The following SLC39A7 variants were observed in gnomAD, a reference collection of about 807,000 sequenced individuals.
The protein encoded by SLC39A7 is solute carrier family 39 member 7, also known as zinc transporter SLC39A7.
Under a neutral mutation model 39.7 loss-of-function variants are expected in SLC39A7, and 25 were observed. The observed-to-expected ratio is 0.63, with a 90% confidence interval of 0.46 to 0.88. The LOEUF (loss-of-function observed/expected upper bound fraction) is 0.88, where lower values mean the gene tolerates loss of function less well. SLC39A7 is among the 40% of genes least tolerant of loss of function. The pLI, the probability that SLC39A7 is intolerant of heterozygous loss-of-function variation, is 0.00. For missense variants in SLC39A7, 501 were observed against 592.1 expected (o/e 0.85, Z 1.60); for synonymous variants, 181 against 234.1 (o/e 0.77, Z 2.07).
Position 33,202,701 on chromosome 6 carries a change from G to GT in SLC39A7, c.940+2dup. 1 of 1,589,778 alleles carries GT rather than the reference G, an allele frequency of 6.3e-7. No individual in the cohort carries two copies. The highest frequency in any genetic ancestry group is 8.5e-7 in the Non-Finnish European group (1 of 1,173,224). On this transcript the variant is annotated splice_donor_variant, in intron 5 of 6. Coordinates refer to ENST00000374677, the MANE Select transcript of SLC39A7 (RefSeq NM_006979.3). LOFTEE classifies it high-confidence loss of function. Reference sequence around the variant, plus strand: ...GCTGAAGAAGAAAAAAGAGGCTTAGGTAAGGGCCAGAGTTGGTGATAAATT... The same window carrying GT: ...GCTGAAGAAGAAAAAAGAGGCTTAGGTTAAGGGCCAGAGTTGGTGATAAATT...
rs9469380 is a variant in SLC39A7, at chr6:33,200,890, G to C, written c.-356G>C. On this transcript the variant is annotated 5_prime_UTR_variant, in exon 1 of 7. Coordinates refer to ENST00000374677, the MANE Select transcript of SLC39A7 (RefSeq NM_006979.3). The surrounding 1 kb of genome is among the most constrained non-coding windows in gnomAD (Gnocchi z 6.3). Reference sequence around the variant, plus strand: ...TCCTGTTCTCGCGGGATCTAAAGGCGGGACTGCCACGTCCAAGCAAACCGG... The same window carrying C: ...TCCTGTTCTCGCGGGATCTAAAGGCCGGACTGCCACGTCCAAGCAAACCGG... 1.6e-3 allele frequency: 2,151 copies of C among 1,370,272 alleles called. 31 individuals are homozygous for C. The African/African-American group carries it at 0.026, about 16-fold the overall frequency. 84.9% of individuals were successfully genotyped at this position (1,370,272 alleles called of 1,614,324 possible).
rs768947814 is a variant in SLC39A7, at chr6:33,201,409, A to ACCATGGCCACAGCCATGCCCATGG, written c.176_199dup (p.Ser59_His66dup). 28 of 1,613,780 alleles carry ACCATGGCCACAGCCATGCCCATGG rather than the reference A, an allele frequency of 1.7e-5. No individual in the cohort carries two copies. The highest frequency in any genetic ancestry group is 6.7e-5 in the East Asian group (3 of 44,876). On this transcript the variant is annotated inframe_insertion, in exon 1 of 7. Coordinates refer to ENST00000374677, the MANE Select transcript of SLC39A7 (RefSeq NM_006979.3). This position sits in a 1 kb window ranked among gnomAD's most constrained non-coding sequence, Gnocchi z 5.9. ...CACAGGCACTCACATGAAGATTTCC[A>ACCATGGCCACAGCCATGCCCATGG]CCATGGCCACAGCCATGCCCATGGC...
At position 33,203,798 on chromosome 6, in the gene SLC39A7, T is replaced by A. The variant is rs761933592; in HGVS notation, c.1395T>A (p.Ile465=). 1 of 1,614,132 alleles carries A rather than the reference T, an allele frequency of 6.2e-7. No individual in the cohort carries two copies. Among genetic ancestry groups the A allele is most frequent in the East Asian group, 2.2e-5 (1 of 44,882 alleles). The part of the protein sequence containing the change: ...LLGGVIMMVL[I]AHLE ...GGGGAGTTATCATGATGGTGCTGAT[T>A]GCCCACCTTGAGTGAGGGGTGGATA... The change falls in exon 7 of 7, where the codon ATT becomes ATA. Residue 465 remains isoleucine (I), a synonymous_variant. Transcript: ENST00000374677.
In SLC39A7 at chr6:33,204,378, T is replaced by C; in HGVS notation, c.*565T>C. Reference sequence around the variant, plus strand: ...TGTTTCTATTCCTTTTATATCACTGTGTTTGAATCGAGGGGGAGGGGTGGT... The same window carrying C: ...TGTTTCTATTCCTTTTATATCACTGCGTTTGAATCGAGGGGGAGGGGTGGT... On this transcript the variant is annotated 3_prime_UTR_variant, in exon 7 of 7. Coordinates refer to ENST00000374677, the MANE Select transcript of SLC39A7 (RefSeq NM_006979.3). 1.7e-6 allele frequency: 1 copy of C among 586,506 alleles called. No homozygotes were observed. The highest frequency in any genetic ancestry group is 3.0e-5 in the Admixed American group (1 of 33,404). 36.3% of individuals were successfully genotyped at this position (586,506 alleles called of 1,614,324 possible).
At position 33,201,367 on chromosome 6, in the gene SLC39A7, A is replaced by G; in HGVS notation, c.122A>G (p.Asp41Gly). 6.2e-7 allele frequency: 1 copy of G among 1,613,974 alleles called. No homozygotes were observed. Among genetic ancestry groups the G allele is most frequent in the South Asian group, 1.1e-5 (1 of 91,084 alleles). ...HDDLHDDLQE[D>G]FHGHSHRHSH... ...GACCTGCACGACGATCTGCAAGAGG[A>G]CTTCCATGGCCACAGCCACAGGCAC... The change falls in exon 1 of 7, where the codon GAC (aspartate) becomes GGC (glycine). Residue 41 changes from aspartate (D) to glycine (G), a missense_variant. Physicochemically the swap from Asp to Gly is moderately conservative, Grantham distance 94 (BLOSUM62 -1). Coordinates refer to ENST00000374677, the MANE Select transcript of SLC39A7 (RefSeq NM_006979.3). The surrounding 1 kb of genome is among the most constrained non-coding windows in gnomAD (Gnocchi z 5.9).
In SLC39A7 at chr6:33,202,926, G is replaced by T. The variant is rs748282317; in HGVS notation, c.957G>T (p.Gly319=). 6.2e-7 allele frequency: 1 copy of T among 1,610,828 alleles called. No homozygotes were observed. The highest frequency in any genetic ancestry group is 8.5e-7 in the Non-Finnish European group (1 of 1,179,388). The change falls in exon 6 of 7, where the codon GGG becomes GGT. Residue 319 remains glycine (G), a synonymous_variant. Transcript: ENST00000374677. ...CTGTACAAGACCTGCGTGTGTCGGGGTACCTGAATCTGGCTGCTGACTTGG... is the reference window on the plus strand; with the variant it reads ...CTGTACAAGACCTGCGTGTGTCGGGTTACCTGAATCTGGCTGCTGACTTGG... ...EKRGLDLRVS[G]YLNLAADLAH...
In SLC39A7 at chr6:33,201,299, G is replaced by A. The variant is rs1774524138; in HGVS notation, c.54G>A (p.Trp18Ter). 6.2e-7 allele frequency: 1 copy of A among 1,613,914 alleles called. No homozygotes were observed. Among genetic ancestry groups the A allele is most frequent in the Non-Finnish European group, 8.5e-7 (1 of 1,179,986 alleles). ...PHWVAVGLLT[W>*]ATLGLLVAGL... Reference sequence around the variant, plus strand: ...GGGTGGCCGTGGGACTGCTGACCTGGGCGACCTTGGGGCTTCTGGTGGCTG... The same window carrying A: ...GGGTGGCCGTGGGACTGCTGACCTGAGCGACCTTGGGGCTTCTGGTGGCTG... Residue 18 changes from tryptophan to a stop codon, truncating the protein, a stop_gained, in exon 1 of 7, where the codon TGG becomes TGA. Coordinates refer to ENST00000374677, the MANE Select transcript of SLC39A7 (RefSeq NM_006979.3). LOFTEE classifies it high-confidence loss of function. This position sits in a 1 kb window ranked among gnomAD's most constrained non-coding sequence, Gnocchi z 5.9.
At position 33,201,300 on chromosome 6, in the gene SLC39A7, G is replaced by A; in HGVS notation, c.55G>A (p.Ala19Thr). Reference sequence around the variant, plus strand: ...GGTGGCCGTGGGACTGCTGACCTGGGCGACCTTGGGGCTTCTGGTGGCTGG... The same window carrying A: ...GGTGGCCGTGGGACTGCTGACCTGGACGACCTTGGGGCTTCTGGTGGCTGG... ...HWVAVGLLTW[A>T]TLGLLVAGLG... The change falls in exon 1 of 7, where the codon GCG becomes ACG. Residue 19 changes from alanine to threonine, a missense_variant. Physicochemically the swap from Ala to Thr is moderately conservative, Grantham distance 58 (BLOSUM62 0). Coordinates refer to ENST00000374677, the MANE Select transcript of SLC39A7 (RefSeq NM_006979.3). The surrounding 1 kb of genome is among the most constrained non-coding windows in gnomAD (Gnocchi z 5.9). 2.5e-6 allele frequency: 4 copies of A among 1,614,082 alleles called. No individual in the cohort carries two copies. Among genetic ancestry groups the A allele is most frequent in the Non-Finnish European group, 3.4e-6 (4 of 1,180,002 alleles).
In SLC39A7 at chr6:33,204,337, A is replaced by G. The variant is rs1774843506; in HGVS notation, c.*524A>G. ...TGGGAGAGGGTTAGTTGGTATTCTC[A>G]TGGCCTGATTTTTTTTGTTTCTATT... On this transcript the variant is annotated 3_prime_UTR_variant, in exon 7 of 7. Transcript: ENST00000374677. 2 of 541,028 alleles carry G rather than the reference A, an allele frequency of 3.7e-6. No homozygotes were observed. The highest frequency in any genetic ancestry group is 2.0e-5 in the South Asian group (1 of 48,812). The allele number at this position is 541,028 out of a possible 1,614,324, so 33.5% of individuals were successfully genotyped here.
In SLC39A7 at chr6:33,203,941, T is replaced by C. The variant is rs1774818050; in HGVS notation, c.*128T>C. The C allele has an allele frequency of 1.0e-6, 1 of 957,468 alleles. No individual in the cohort carries two copies. The highest frequency in any genetic ancestry group is 2.6e-5 in the East Asian group (1 of 38,728). The allele number at this position is 957,468 out of a possible 1,614,324, so 59.3% of individuals were successfully genotyped here. A position where few individuals can be genotyped will look rare whatever the true frequency, so the allele number is the denominator to read the frequency against. On this transcript the variant is annotated 3_prime_UTR_variant, in exon 7 of 7. Transcript: ENST00000374677. The stretch of plus-strand genomic sequence containing the variant: ...AACTGTAGCCTGGGAGAATGGTTAC[T>C]TTGGCATTAGGGCCTTCAAGGGCTG...
chr6:33,203,452 C>T, intron 6 of SLC39A7, 89 bp from the exon 7 acceptor site: 4 of 1,333,512 alleles, frequency 3.0e-6, no homozygotes, highest in Non-Finnish European at 4.2e-6. Flanking sequence ...AAATCCATGT[C>T]CCCTATACCT....
intron 6 of SLC39A7, 146 bp downstream of exon 6, chr6:33,203,252 A>C (rs923128107): frequency 1.3e-6 from 1 of 792,308 alleles, no homozygotes; most frequent in Non-Finnish European, 2.0e-6. Context: ...AGTTCTGGTT[A>C]CTTTGTCCTT....
At chr6:33,202,452 A>G (rs369984021) in intron 4 of SLC39A7, 25 bp downstream of exon 4, 46 of 1,609,966 alleles carry the variant, frequency 2.9e-5, no homozygotes, top group Non-Finnish European at 3.9e-5. Flanking sequence ...AACTTTCCTG[A>G]AAGCTGACTT....
intron 6 of SLC39A7, 84 bp from the exon 7 acceptor site, chr6:33,203,457 A>G: frequency 7.1e-7 from 1 of 1,414,244 alleles, no homozygotes; most frequent in Non-Finnish European, 9.9e-7. Flanking sequence ...CATGTCCCCT[A>G]TACCTATACC....
intron 3 of SLC39A7, 65 bp from the exon 4 acceptor site, chr6:33,202,198 C>T (rs964026005): frequency 1.2e-5 from 19 of 1,585,482 alleles, no homozygotes; most frequent in African/African-American, 5.4e-5. Flanking sequence ...CCTCACCTCC[C>T]GCACTTGAGG....
chr6:33,203,178 C>T (rs1363652063), intron 6 of SLC39A7, 72 bp downstream of exon 6: 5 of 1,289,600 alleles, frequency 3.9e-6, no homozygotes, highest in Non-Finnish European at 5.4e-6. Flanking sequence ...ACCCAAACAG[C>T]CTCTTATTAG....
chr6:33,201,535 C>G lies in SLC39A7; in HGVS notation c.290C>G (p.Ser97Cys). 2.5e-6 allele frequency: 4 copies of G among 1,614,114 alleles called. No individual in the cohort carries two copies. Among genetic ancestry groups the G allele is most frequent in the Non-Finnish European group, 3.4e-6 (4 of 1,179,960 alleles). The change falls in exon 1 of 7, where the codon TCC (serine) becomes TGC (cysteine). Residue 97 changes from serine (S) to cysteine (C), a missense_variant. Physicochemically the swap from Ser to Cys is moderately radical, Grantham distance 112. Coordinates refer to ENST00000374677, the MANE Select transcript of SLC39A7 (RefSeq NM_006979.3). This position sits in a 1 kb window ranked among gnomAD's most constrained non-coding sequence, Gnocchi z 5.9. The stretch of plus-strand genomic sequence containing the variant: ...CACCATGGCCATAGCCATGGCTACT[C>G]CCATGAGAGCCTCTACCACAGAGGA... The part of the protein sequence containing the change: ...DLHHGHSHGY[S>C]HESLYHRGHG...
chr6:33,203,167 A>G (rs1774745206), intron 6 of SLC39A7, 61 bp downstream of exon 6: 22 of 1,371,252 alleles, frequency 1.6e-5, no homozygotes, highest in Non-Finnish European at 2.0e-5. Context: ...ACTCACCCTA[A>G]ACCCAAACAG....
Position 33,203,756 on chromosome 6 carries a change from G to A in SLC39A7, c.1353G>A (p.Glu451=), listed in dbSNP as rs1187800680. 1 of 1,614,106 alleles carries A rather than the reference G, an allele frequency of 6.2e-7. No individual in the cohort carries two copies. ...REASPLQSLL[E]VLGLLGGVIM... ...CATCACCATTGCAATCACTTCTGGA[G>A]GTGCTGGGGCTGCTGGGGGGAGTTA... Residue 451 remains glutamate (E), a synonymous_variant, in exon 7 of 7, where the codon GAG becomes GAA. Coordinates refer to ENST00000374677, the MANE Select transcript of SLC39A7 (RefSeq NM_006979.3).
Sources: gnomAD v4.1 joint callset for allele counts on GRCh38, gnomAD v4.1.1 for gene constraint, Gnocchi (gnomAD v3.1) non-coding constraint, MANE v1.5 for transcripts, NCBI Gene and HGNC (gene_info 2026-07-23, HGNC 2026-07-21) for gene names.